The following CLMN variants were observed in gnomAD, a reference collection of about 807,000 sequenced individuals.
The protein encoded by CLMN is calmin, also known as calmin (calponin-like, transmembrane).
A neutral mutation model predicts 92.7 loss-of-function variants in CLMN; 57 were observed. The observed-to-expected ratio is 0.61, with a 90% CI of 0.50 to 0.77. The LOEUF is 0.77. Among genes scored for constraint, CLMN ranks in the 30% least tolerant of loss-of-function variants. The probability of loss-of-function intolerance (pLI) is 0.00; values close to 1 mark genes in which losing one functional copy is unlikely to be tolerated. For synonymous variants in CLMN, 466 were observed against 470.6 expected, an observed-to-expected ratio of 0.99 and a Z score of 0.13; for missense variants, 1,158 against 1,237.5, an observed-to-expected ratio of 0.94 and a Z score of 0.96.
At position 95,202,856 on chromosome 14, in the gene CLMN, G is replaced by A. The variant is rs1896922567; in HGVS notation, c.2493C>T (p.Asp831=). 6.5e-7 allele frequency: 1 copy of A among 1,540,392 alleles called. No individual in the cohort carries two copies. The highest frequency in any genetic ancestry group is 1.4e-5 in the African/African-American group (1 of 72,218). ...TGAGTACCTGATGGCTGTCCATGGG[G>A]TCATTCTCTTTGGTCTCCCTTTGCT... ...DHQQRETKEN[D]PMDSHQSQES... Residue 831 remains aspartate, a synonymous_variant, in exon 9 of 13, where the codon GAC becomes GAT. Coordinates refer to ENST00000298912, the MANE Select transcript of CLMN (RefSeq NM_024734.4).
At position 95,191,805 on chromosome 14, in the gene CLMN, C is replaced by G. The variant is rs1200799487; in HGVS notation, c.2841-73G>C. 12 of 1,439,460 alleles carry G rather than the reference C, an allele frequency of 8.3e-6. No individual in the cohort carries two copies. Among genetic ancestry groups the G allele is most frequent in the Non-Finnish European group, 1.1e-5 (12 of 1,069,460 alleles). 89.2% of individuals were successfully genotyped at this position (1,439,460 alleles called of 1,614,324 possible). On this transcript the variant is annotated intron_variant, in intron 12 of 12. Coordinates refer to ENST00000298912, the MANE Select transcript of CLMN (RefSeq NM_024734.4). The surrounding 1 kb of genome is among the most constrained non-coding windows in gnomAD (Gnocchi z 5.3). The stretch of plus-strand genomic sequence containing the variant: ...GAAAGTGGACCCCACCCAGTGCTAC[C>G]CGTCTCTCCCCGGCCCCCACTCCCC...
chr14:95,245,237 ATTAT>A (rs1566891214), intron 1 of CLMN, among the ~76,000 whole-genome samples: 23 of 31,260 alleles, frequency 7.4e-4, no homozygotes, highest in Non-Finnish European at 9.0e-4. Flanking sequence ...ATATATATAT[ATTAT>A]ATATATATAT....
chr14:95,272,191 G>C (rs912674465), intron 1 of CLMN, among the ~76,000 whole-genome samples: 33 of 152,192 alleles, frequency 2.2e-4, no homozygotes, highest in Non-Finnish European at 1.3e-4. Context: ...ACCGAGGAAG[G>C]ACAAGTAGAA....
chr14:95,193,819 C>G (rs1896620928), intron 12 of CLMN, 30 bp downstream of exon 12: 1 of 1,611,016 alleles, frequency 6.2e-7, no homozygotes, highest in African/African-American at 1.3e-5. Context: ...TTATTACTAC[C>G]CCCACAAAAC....
At chr14:95,202,094 C>G (rs1200412992) in intron 9 of CLMN, among the ~76,000 whole-genome samples, 3 of 152,152 alleles carry the variant, frequency 2.0e-5, no homozygotes, top group Admixed American at 6.5e-5. Context: ...TGGGCATATA[C>G]CTCGTAATGG....
At chr14:95,290,556 A>G (rs917937915) in intron 1 of CLMN, among the ~76,000 whole-genome samples, 3 of 152,208 alleles carry the variant, frequency 2.0e-5, no homozygotes, top group Admixed American at 1.3e-4. Context: ...GCCACAAGCC[A>G]ACAAATATGA....
At chr14:95,303,399 C>T (rs1901140104) in intron 1 of CLMN, among the ~76,000 whole-genome samples, 1 of 152,328 alleles carries the variant, frequency 6.6e-6, no homozygotes, top group East Asian at 1.9e-4. Flanking sequence ...TAACCCCACG[C>T]CCACCCCTGC....
intron 10 of CLMN, among the ~76,000 whole-genome samples, chr14:95,195,606 T>C (rs1329648532): frequency 6.6e-6 from 1 of 152,212 alleles, no homozygotes; most frequent in African/African-American, 2.4e-5. Context: ...ACAAAAAGAA[T>C]GTGGAATGTG....
chr14:95,215,813 C>CTGTG (rs1209082108), intron 4 of CLMN, 80 bp from the exon 5 acceptor site: 4 of 851,398 alleles, frequency 4.7e-6, no homozygotes, highest in South Asian at 1.5e-5. Context: ...CTCTCTCTCT[C>CTGTG]TCTGTGTGTG....
intron 1 of CLMN, among the ~76,000 whole-genome samples, chr14:95,245,795 A>G (rs1595054052): frequency 1.1e-5 from 1 of 88,644 alleles, no homozygotes; most frequent in Middle Eastern, 7.4e-3. Context: ...TGGTTGGATT[A>G]TTGGATGGAT....
chr14:95,203,403 G>A lies in CLMN; in HGVS notation c.1946C>T (p.Thr649Ile), dbSNP rs1896945727. The A allele has an allele frequency of 6.2e-7, 1 of 1,614,116 alleles. No homozygotes were observed. Among genetic ancestry groups the A allele is most frequent in the African/African-American group, 1.3e-5 (1 of 74,996 alleles). ...CACCTCTGGCTTTTTATCCACTGGT[G>A]TCTCTTCTGGGGCTGAAGGACAGCC... ...AEGCPSAPEE[T>I]PVDKKPEVHE... The change falls in exon 9 of 13, where the codon ACA becomes ATA. Residue 649 changes from threonine (T) to isoleucine (I), a missense_variant. By Grantham distance (89) the Thr-to-Ile change is moderately conservative. Coordinates refer to ENST00000298912, the MANE Select transcript of CLMN (RefSeq NM_024734.4).
At chr14:95,245,214 ATATATATATATTATATATATATAT>A (rs1566891006) in intron 1 of CLMN, among the ~76,000 whole-genome samples, 611 of 34,682 alleles carry the variant, frequency 0.018, 52 homozygotes, top group Non-Finnish European at 0.02. Flanking sequence ...TATATTATAT[ATATATATATATTATATATATATAT>A]TATATATATA....
intron 1 of CLMN, among the ~76,000 whole-genome samples, chr14:95,314,369 A>G (rs530371453): frequency 6.6e-6 from 1 of 152,154 alleles, no homozygotes; most frequent in South Asian, 2.1e-4. Context: ...AGTGAAAAGA[A>G]TCTAGGATGC....
At chr14:95,277,811 G>A (rs1899992529) in intron 1 of CLMN, among the ~76,000 whole-genome samples, 1 of 152,120 alleles carries the variant, frequency 6.6e-6, no homozygotes, top group South Asian at 2.1e-4. Flanking sequence ...ATTTTTAGTA[G>A]AGATGGAGTT....
chr14:95,202,843 G>C lies in CLMN; in HGVS notation c.2506C>G (p.His836Asp). ...ETKENDPMDS[H>D]QSQESPNLEN... ...CAAATCCCACGGTTGAGTACCTGAT[G>C]GCTGTCCATGGGGTCATTCTCTTTG... Residue 836 changes from histidine (H) to aspartate (D), a missense_variant, in exon 9 of 13, where the codon CAT (histidine) becomes GAT (aspartate). Transcript: ENST00000298912. 1.3e-6 allele frequency: 2 copies of C among 1,526,432 alleles called. No individual in the cohort carries two copies. The highest frequency in any genetic ancestry group is 1.8e-6 in the Non-Finnish European group (2 of 1,139,810). 94.6% of individuals were successfully genotyped at this position (1,526,432 alleles called of 1,614,324 possible).
rs536864171 is a variant in CLMN, at chr14:95,259,370, C to T, written c.83-29237G>A. On this transcript the variant is annotated intron_variant, in intron 1 of 12. Transcript: ENST00000298912. This position sits in a 1 kb window ranked among gnomAD's most constrained non-coding sequence, Gnocchi z 4.3. ...TCCACTGGCTCCCCACTCACCAGGCCTGACCTTGGGCACCAGAACGGAGAA... is the reference window on the plus strand; with the variant it reads ...TCCACTGGCTCCCCACTCACCAGGCTTGACCTTGGGCACCAGAACGGAGAA... Among the ~76,000 whole-genome samples the T allele has an allele frequency of 8.9e-4, 135 of 152,216 alleles. No homozygotes were observed. The highest frequency in any genetic ancestry group is 3.2e-3 in the African/African-American group (131 of 41,510).
intron 12 of CLMN, chr14:95,193,499 TCTC>T (rs1277181114): frequency 6.8e-6 from 6 of 878,716 alleles, no homozygotes; most frequent in Non-Finnish European, 1.0e-5. Flanking sequence ...CACCACCTCT[TCTC>T]CTGCCTGGCC....
intron 1 of CLMN, among the ~76,000 whole-genome samples, chr14:95,302,009 G>A (rs879864392): frequency 9.9e-5 from 15 of 152,274 alleles, no homozygotes; most frequent in South Asian, 6.2e-4. Context: ...AGCTATGGTC[G>A]TGCCATGAAC....
rs754752172 is a variant in CLMN at position 95,203,490 on chromosome 14, G to A, written c.1859C>T (p.Pro620Leu). ...IKSAHKKKDSPEPQVKMDKHE... is the reference protein window; with the variant it reads ...IKSAHKKKDSLEPQVKMDKHE... ...TTTGTCCATCTTAACTTGAGGCTCT[G>A]GCGAATCCTTCTTTTTGTGAGCAGA... Residue 620 changes from proline to leucine, a missense_variant, in exon 9 of 13, where the codon CCA becomes CTA. Coordinates refer to ENST00000298912, the MANE Select transcript of CLMN (RefSeq NM_024734.4). The A allele has an allele frequency of 2.5e-6, 4 of 1,614,102 alleles. No homozygotes were observed. The highest frequency in any genetic ancestry group is 2.5e-6 in the Non-Finnish European group (3 of 1,180,026).
Sources: allele counts gnomAD v4.1 joint callset (sites outside exome capture counted in the v4.1 genomes callset), GRCh38; gene constraint gnomAD v4.1.1; non-coding constraint Gnocchi (gnomAD v3.1); transcripts MANE v1.5; gene names NCBI Gene and HGNC (gene_info 2026-07-23, HGNC 2026-07-21).